The following PAK5 variants were observed in gnomAD, a reference collection of about 807,000 sequenced individuals.
PAK5 encodes the protein serine/threonine-protein kinase PAK 5.
PAK5 carries 16 observed loss-of-function variants against 65.9 expected under a neutral mutation model. The observed-to-expected ratio is 0.24, with a 90% CI of 0.16 to 0.37. The LOEUF (loss-of-function observed/expected upper bound fraction) is 0.37. PAK5 is among the 10% of genes least tolerant of loss of function. PAK5 has a pLI of 1.00. For missense variants in PAK5, 785 were observed against 903.9 expected (o/e 0.87, Z 1.69); for synonymous variants, 371 against 354.9 (o/e 1.05, Z -0.51).
In PAK5 at chr20:9,580,310, CTGA is replaced by C; in HGVS notation, c.822_824del (p.Asn274_Gln275delinsLys). On this transcript the variant is annotated inframe_deletion, in exon 4 of 10. Coordinates refer to ENST00000353224, the MANE Select transcript of PAK5 (RefSeq NM_177990.4). ...GCCGCATGGTGGGCTGAGGGCTTGT[CTGA>C]TTCAGGTACGAAGACTTTGGCCTCC... is the stretch of plus-strand genomic sequence containing the variant. 6.2e-7 allele frequency: 1 copy of C among 1,614,144 alleles called. No individual in the cohort carries two copies. Among genetic ancestry groups the C allele is most frequent in the Non-Finnish European group, 8.5e-7 (1 of 1,180,020 alleles).
rs146571485 is a variant in PAK5 at position 9,698,646 on chromosome 20, C to T, written c.-12+12640G>A. On this transcript the variant is annotated intron_variant, in intron 2 of 9. Coordinates refer to ENST00000353224, the MANE Select transcript of PAK5 (RefSeq NM_177990.4). Reference sequence around the variant, plus strand: ...GGATGCCTTTGGCTTTGTTTCATACCAAACTTAAGGAACAGACAAAGCATG... The same window carrying T: ...GGATGCCTTTGGCTTTGTTTCATACTAAACTTAAGGAACAGACAAAGCATG... 3.3e-5 allele frequency among the ~76,000 whole-genome samples: 5 copies of T among 152,222 alleles called. No homozygotes were observed. In the East Asian group the frequency reaches 9.7e-4, roughly 29 times the overall value.
intron 2 of PAK5, among the ~76,000 whole-genome samples, chr20:9,701,739 C>T (rs144418905): frequency 6.6e-6 from 1 of 152,234 alleles, no homozygotes; most frequent in East Asian, 1.9e-4. Flanking sequence ...TAGCTCATGT[C>T]TGTAATCCCA....
intron 3 of PAK5, among the ~76,000 whole-genome samples, chr20:9,597,170 C>G (rs2046284613): frequency 6.6e-6 from 1 of 152,184 alleles, no homozygotes; most frequent in Non-Finnish European, 1.5e-5. Flanking sequence ...AAATCACTTT[C>G]CCTTGCTGGG....
intron 1 of PAK5, among the ~76,000 whole-genome samples, chr20:9,790,992 C>T (rs905372730): frequency 6.6e-6 from 1 of 152,120 alleles, no homozygotes; most frequent in South Asian, 2.1e-4. Context: ...CCATGACCTT[C>T]CTTCTCCTGT....
chr20:9,592,903 A>G (rs2046197356), intron 3 of PAK5, among the ~76,000 whole-genome samples: 1 of 152,156 alleles, frequency 6.6e-6, no homozygotes, highest in Non-Finnish European at 1.5e-5. Flanking sequence ...TCAGAGGGGA[A>G]GAAAATCCCA....
chr20:9,623,022 T>C (rs896769141), intron 3 of PAK5, among the ~76,000 whole-genome samples: 2 of 152,252 alleles, frequency 1.3e-5, no homozygotes, highest in Non-Finnish European at 2.9e-5. Context: ...CAGAAAATTC[T>C]AATAATAATT....
At chr20:9,766,256 GTTCTAATTGAATATATATATA>G (rs1272925461) in intron 1 of PAK5, among the ~76,000 whole-genome samples, 51 of 55,510 alleles carry the variant, frequency 9.2e-4, no homozygotes, top group African/African-American at 2.3e-3. Flanking sequence ...ATATATATAT[GTTCTAATTGAATATATATATA>G]TTCTAATTGA....
rs539873592 is a variant in PAK5 at position 9,556,007 on chromosome 20, T to C, written c.1743+1601A>G. On this transcript the variant is annotated intron_variant, in intron 7 of 9. Transcript: ENST00000353224. ...AGGGAGCTCAGCTGATGTCACATGA[T>C]GCAGAGATGAGCTGGTACAGAGATG... Among the ~76,000 whole-genome samples the C allele has an allele frequency of 3.3e-4, 51 of 152,324 alleles. 2 individuals carry two copies. Among genetic ancestry groups the C allele is most frequent in the African/African-American group, 1.1e-3 (46 of 41,570 alleles).
intron 3 of PAK5, among the ~76,000 whole-genome samples, chr20:9,629,578 C>T (rs2046895450): frequency 6.6e-6 from 1 of 151,968 alleles, no homozygotes; most frequent in South Asian, 2.1e-4. Flanking sequence ...CCTGCCTTGG[C>T]CTCTCAAAGC....
At chr20:9,649,570 T>C (rs2123293136) in intron 2 of PAK5, among the ~76,000 whole-genome samples, 1 of 152,336 alleles carries the variant, frequency 6.6e-6, no homozygotes, top group African/African-American at 2.4e-5. Flanking sequence ...CCTAACTTAG[T>C]GGGTTGCCCT....
At chr20:9,669,390 T>C (rs2047463092) in intron 2 of PAK5, among the ~76,000 whole-genome samples, 1 of 152,184 alleles carries the variant, frequency 6.6e-6, no homozygotes, top group Non-Finnish European at 1.5e-5. Context: ...TTTTTAACTT[T>C]TATTTTAAGT....
intron 4 of PAK5, among the ~76,000 whole-genome samples, chr20:9,573,314 C>T (rs1485425844): frequency 6.6e-6 from 1 of 152,130 alleles, no homozygotes; most frequent in East Asian, 1.9e-4. Context: ...CTACAATGAG[C>T]TCAACATCTC....
chr20:9,641,661 T>TG (rs2047064734), intron 3 of PAK5, among the ~76,000 whole-genome samples: 1 of 151,924 alleles, frequency 6.6e-6, no homozygotes, highest in Non-Finnish European at 1.5e-5. Context: ...TCAGGGAGGC[T>TG]CGGCCGCACA....
intron 2 of PAK5, among the ~76,000 whole-genome samples, chr20:9,654,916 C>G (rs2032868156): frequency 6.6e-6 from 1 of 152,132 alleles, no homozygotes; most frequent in African/African-American, 2.4e-5. Flanking sequence ...ACTTTAGACC[C>G]CAGAATACTT....
intron 3 of PAK5, among the ~76,000 whole-genome samples, chr20:9,603,045 A>T (rs1377670490): frequency 6.6e-6 from 1 of 152,208 alleles, no homozygotes; most frequent in African/African-American, 2.4e-5. Flanking sequence ...TTAGCAAAGA[A>T]CCCAGGAAGG....
chr20:9,618,923 T>TTG (rs2046718254), intron 3 of PAK5, among the ~76,000 whole-genome samples: 1 of 96,746 alleles, frequency 1.0e-5, no homozygotes, highest in African/African-American at 4.0e-5. Context: ...TCGTTTTTTT[T>TTG]TTTTTTTTTT....
chr20:9,711,505 T>C (rs569955955), intron 1 of PAK5, 70 bp from the exon 2 acceptor site: 7 of 152,312 alleles, frequency 4.6e-5, no homozygotes, highest in African/African-American at 1.7e-4. Flanking sequence ...AATAAACATA[T>C]AGCCACATTT....
At chr20:9,702,392 T>G (rs1054248931) in intron 2 of PAK5, among the ~76,000 whole-genome samples, 1 of 152,140 alleles carries the variant, frequency 6.6e-6, no homozygotes, top group Non-Finnish European at 1.5e-5. Flanking sequence ...ACCCATGACC[T>G]GAGGAGCTTT....
intron 1 of PAK5, among the ~76,000 whole-genome samples, chr20:9,783,755 C>T (rs1406059906): frequency 6.6e-6 from 1 of 152,052 alleles, no homozygotes; most frequent in Non-Finnish European, 1.5e-5. Flanking sequence ...TGTTGTAACT[C>T]TCAGTAAGTT....
Sources: gnomAD v4.1 joint callset for allele counts (sites outside exome capture counted in the v4.1 genomes callset) on GRCh38, gnomAD v4.1.1 for gene constraint, MANE v1.5 for transcripts, NCBI Gene and HGNC (gene_info 2026-07-23, HGNC 2026-07-21) for gene names.